CCDC169: variants seen among roughly 807,000 people sequenced by gnomAD.
CCDC169 encodes the protein coiled-coil domain containing 169.
Under a neutral mutation model 36.0 loss-of-function variants are expected in CCDC169, and 30 were observed. That is an observed-to-expected ratio of 0.83 (90% CI 0.62 to 1.13). The LOEUF (loss-of-function observed/expected upper bound fraction) is 1.13. CCDC169 is among the 50% of genes most tolerant of loss of function. The pLI is 0.00. For synonymous variants in CCDC169, 85 were observed against 81.5 expected (o/e 1.04, Z -0.23); for missense variants, 245 against 245.9 (o/e 1.00, Z 0.03).
At chr13:36,278,985 T>C (rs1008909620) in intron 4 of CCDC169, among the ~76,000 whole-genome samples, 1 of 152,174 alleles carries the variant, frequency 6.6e-6, no homozygotes, top group African/African-American at 2.4e-5. Context: ...AAACTCTCAA[T>C]TGTCATTAAA....
At chr13:36,255,861 A>C (rs978554742) in intron 4 of CCDC169, among the ~76,000 whole-genome samples, 3 of 152,126 alleles carry the variant, frequency 2.0e-5, no homozygotes, top group African/African-American at 7.2e-5. Context: ...AAGAGGACCC[A>C]CTATGTCCTG....
intron 4 of CCDC169, among the ~76,000 whole-genome samples, chr13:36,268,894 C>A (rs1287631877): frequency 6.6e-6 from 1 of 152,054 alleles, no homozygotes; most frequent in African/African-American, 2.4e-5. Context: ...CATTTGAGGT[C>A]AGGAGTTCAA....
chr13:36,231,259 C>T lies in CCDC169; in HGVS notation c.579G>A (p.Val193=). 4 of 1,551,410 alleles carry T rather than the reference C, an allele frequency of 2.6e-6. No individual in the cohort carries two copies. The highest frequency in any genetic ancestry group is 3.5e-6 in the Non-Finnish European group (4 of 1,146,848). ...TTTTTACTGGTCCTCTCTTGGCACTCACTGTCTTCTGCTTAGCTGGATTAT... is the reference window on the plus strand; with the variant it reads ...TTTTTACTGGTCCTCTCTTGGCACTTACTGTCTTCTGCTTAGCTGGATTAT... ...GRYNPAKQKT[V]SAKRGPVKKI... Residue 193 remains valine, a synonymous_variant, in exon 8 of 8, where the codon GTG becomes GTA. Coordinates refer to ENST00000239859, the MANE Select transcript of CCDC169 (RefSeq NM_001144981.3).
rs1412054494 is a variant in CCDC169 at position 36,282,130 on chromosome 13, CT to C, written c.315+1338del. Among the ~76,000 whole-genome samples the C allele has an allele frequency of 4.0e-3, 273 of 68,960 alleles. 1 individual carries two copies. Among genetic ancestry groups the C allele is most frequent in the African/African-American group, 9.2e-3 (248 of 26,828 alleles). 45.2% of individuals were successfully genotyped at this position (68,960 alleles called of 152,430 possible). ...TAACACATCAATTTCATAAGTATGT[CT>C]GTACAGATTACTCCTAAACACTAAA... On this transcript the variant is annotated intron_variant, in intron 4 of 7. Transcript: ENST00000239859.
intron 4 of CCDC169, among the ~76,000 whole-genome samples, chr13:36,275,691 A>G (rs1045866983): frequency 1.3e-5 from 2 of 152,240 alleles, no homozygotes; most frequent in African/African-American, 4.8e-5. Flanking sequence ...CAGTGAGCCC[A>G]GTGGGAGCAT....
At chr13:36,272,595 C>T (rs554979628) in intron 4 of CCDC169, among the ~76,000 whole-genome samples, 1 of 152,122 alleles carries the variant, frequency 6.6e-6, no homozygotes, top group East Asian at 1.9e-4. Flanking sequence ...ACTAACTTTT[C>T]TAAAGGGCAT....
At chr13:36,290,550 A>G (rs1469208651) in intron 2 of CCDC169, among the ~76,000 whole-genome samples, 35 of 152,190 alleles carry the variant, frequency 2.3e-4, no homozygotes, top group Non-Finnish European at 4.4e-5. Flanking sequence ...TGTAAGGGCC[A>G]GATTTTGAGG....
chr13:36,295,817 T>C lies in CCDC169; in HGVS notation c.124A>G (p.Ile42Val). ...QLSIFELRHK[I>V]TELEAKLNTD... is the part of the protein sequence containing the mutation. ...TTGAGTTTGGCTTCCAGTTCCGTAA[T>C]CTTGTGTCTTAGTTCAAATATTGAG... The change falls in exon 2 of 8, where the codon ATT (isoleucine) becomes GTT (valine). Residue 42 changes from isoleucine to valine, a missense_variant. Physicochemically the swap from Ile to Val is conservative, Grantham distance 29. Coordinates refer to ENST00000239859, the MANE Select transcript of CCDC169 (RefSeq NM_001144981.3). 6.5e-7 allele frequency: 1 copy of C among 1,544,942 alleles called. No homozygotes were observed. Among genetic ancestry groups the C allele is most frequent in the Non-Finnish European group, 8.8e-7 (1 of 1,141,992 alleles).
chr13:36,253,692 T>C, intron 6 of CCDC169, 111 bp downstream of exon 6: 1 of 1,326,008 alleles, frequency 7.5e-7, no homozygotes, highest in Non-Finnish European at 1.0e-6. Flanking sequence ...ATTTAGAAAC[T>C]TAACTCCAAA....
Position 36,293,661 on chromosome 13 carries a change from G to A in CCDC169, c.163+2117C>T, listed in dbSNP as rs1225974560. ...CTGTGAGAAGAAAAAGGTACAAGAGGCATTTCTGACAGGCAGCCCTAGCTG... is the reference window on the plus strand; with the variant it reads ...CTGTGAGAAGAAAAAGGTACAAGAGACATTTCTGACAGGCAGCCCTAGCTG... On this transcript the variant is annotated intron_variant, in intron 2 of 7. Transcript: ENST00000239859. 3.3e-5 allele frequency among the ~76,000 whole-genome samples: 5 copies of A among 152,244 alleles called. 1 individual carries two copies. In the South Asian group the frequency reaches 8.3e-4, roughly 25 times the overall value.
At chr13:36,252,183 A>G (rs1003561730) in intron 6 of CCDC169, among the ~76,000 whole-genome samples, 5 of 152,206 alleles carry the variant, frequency 3.3e-5, no homozygotes, top group African/African-American at 9.7e-5. Flanking sequence ...CATTCCAAGC[A>G]CATAGTCTGA....
chr13:36,225,256 G>C (rs1869811633), downstream of CCDC169: 1 of 151,246 alleles, frequency 6.6e-6, no homozygotes, highest in Non-Finnish European at 1.5e-5. Flanking sequence ...CTAGCCTTAA[G>C]TGTAGTGGCA....
intron 2 of CCDC169, among the ~76,000 whole-genome samples, chr13:36,285,058 C>T (rs1438528813): frequency 6.6e-6 from 1 of 152,154 alleles, no homozygotes; most frequent in Non-Finnish European, 1.5e-5. Context: ...TAACTTGCTA[C>T]CTAAAGTCTC....
intron 7 of CCDC169, among the ~76,000 whole-genome samples, chr13:36,242,602 GT>G (rs909444328): frequency 2.2e-4 from 33 of 149,494 alleles, no homozygotes; most frequent in South Asian, 6.4e-4. Context: ...GAGTGAACGG[GT>G]TTTTTTTTTC....
chr13:36,295,433 A>C (rs1397231824), intron 2 of CCDC169, among the ~76,000 whole-genome samples: 1 of 152,216 alleles, frequency 6.6e-6, no homozygotes, highest in Non-Finnish European at 1.5e-5. Flanking sequence ...AACATATCCC[A>C]AACCTAGAAG....
intron 4 of CCDC169, among the ~76,000 whole-genome samples, chr13:36,274,932 G>A (rs1456472674): frequency 2.0e-5 from 3 of 146,868 alleles, no homozygotes; most frequent in African/African-American, 5.0e-5. Context: ...GCAGTGGCGC[G>A]ATCTCTGCTC....
At chr13:36,270,932 T>TA (rs1228610057) in intron 4 of CCDC169, among the ~76,000 whole-genome samples, 6 of 152,072 alleles carry the variant, frequency 3.9e-5, no homozygotes, top group Non-Finnish European at 8.8e-5. Flanking sequence ...AAGACCTAAT[T>TA]AAACTAAAAA....
chr13:36,235,551 T>G (rs1870969307), intron 7 of CCDC169, among the ~76,000 whole-genome samples: 1 of 151,850 alleles, frequency 6.6e-6, no homozygotes, highest in South Asian at 2.1e-4. Flanking sequence ...AAAAGCTTTC[T>G]CTCTAAGATA....
At chr13:36,253,113 C>T (rs927261834) in intron 6 of CCDC169, among the ~76,000 whole-genome samples, 11 of 152,144 alleles carry the variant, frequency 7.2e-5, no homozygotes, top group Non-Finnish European at 1.5e-4. Context: ...TTACTGATCA[C>T]CTCTTTGTCC....
Sources: allele counts gnomAD v4.1 joint callset (sites outside exome capture counted in the v4.1 genomes callset), GRCh38; gene constraint gnomAD v4.1.1; transcripts MANE v1.5; gene names NCBI Gene and HGNC (gene_info 2026-07-23, HGNC 2026-07-21).